Variants in RNF157 observed in about 807,000 individuals in gnomAD.
RNF157 encodes the protein E3 ubiquitin ligase RNF157.
In RNF157, 55 loss-of-function variants were observed where a neutral mutation model predicts 88.3. That is an observed-to-expected ratio of 0.62 (90% CI 0.50 to 0.78). The LOEUF is 0.78. RNF157 is among the 30% of genes least tolerant of loss of function. The pLI is 0.00. For missense variants in RNF157, 788 were observed against 860.8 expected (o/e 0.92, Z 1.06); for synonymous variants, 334 against 341.2 (o/e 0.98, Z 0.23).
chr17:76,230,067 A>AT (rs1398222524), intron 1 of RNF157, among the ~76,000 whole-genome samples: 1 of 152,108 alleles, frequency 6.6e-6, no homozygotes, highest in African/African-American at 2.4e-5. Flanking sequence ...ATGTGAATGG[A>AT]TTTTTTTGGA....
chr17:76,212,315 G>T, intron 2 of RNF157, 49 bp downstream of exon 2: 1 of 1,276,394 alleles, frequency 7.8e-7, no homozygotes, highest in Non-Finnish European at 1.1e-6. Context: ...TACATTTTTT[G>T]AATTGGCCAC....
Position 76,155,171 on chromosome 17 carries a change from G to A in RNF157, c.1764+81C>T, listed in dbSNP as rs2068742970. ...TTCGTCAGCGCAGCCTCCTGGCCCT[G>A]GTCCTTACTGGCATCCCCAGCCAAG... is the stretch of plus-strand genomic sequence containing the variant. On this transcript the variant is annotated intron_variant, in intron 16 of 18. Coordinates refer to ENST00000269391, the MANE Select transcript of RNF157 (RefSeq NM_052916.3). 6 of 1,251,058 alleles carry A rather than the reference G, an allele frequency of 4.8e-6. No individual in the cohort carries two copies. In the Admixed American group the frequency reaches 1.0e-4, roughly 21 times the overall value. 77.5% of individuals were successfully genotyped at this position (1,251,058 alleles called of 1,614,324 possible). A position where few individuals can be genotyped will look rare whatever the true frequency, so the allele number is the denominator to read the frequency against.
Position 76,226,436 on chromosome 17 carries a change from G to A in RNF157, c.88+13717C>T, listed in dbSNP as rs371221367. The A allele has an allele frequency of 1.9e-3, 3,057 of 1,597,902 alleles. 6 individuals are homozygous for A. The highest frequency in any genetic ancestry group is 5.0e-3 in the Middle Eastern group (30 of 6,018). On this transcript the variant is annotated intron_variant, in intron 1 of 18. Coordinates refer to ENST00000269391, the MANE Select transcript of RNF157 (RefSeq NM_052916.3). ...CTTATTAGTCTCCTGGACTAGGGGG[G>A]CAAAGAGATTACAAGTGTCATCCAA...
At chr17:76,221,381 C>A (rs1022153141) in intron 1 of RNF157, among the ~76,000 whole-genome samples, 1 of 152,098 alleles carries the variant, frequency 6.6e-6, no homozygotes, top group Non-Finnish European at 1.5e-5. Flanking sequence ...AACCAGTTAA[C>A]CACCAGCTTA....
chr17:76,155,179 C>T (rs913292175), intron 16 of RNF157, 73 bp downstream of exon 16: 35 of 1,360,742 alleles, frequency 2.6e-5, no homozygotes, highest in Non-Finnish European at 3.3e-5. Context: ...CTGGTCCTTA[C>T]TGGCATCCCC....
intron 1 of RNF157, among the ~76,000 whole-genome samples, chr17:76,220,547 G>A (rs1319285670): frequency 5.3e-5 from 8 of 152,104 alleles, no homozygotes; most frequent in African/African-American, 1.2e-4. Flanking sequence ...AGGGGAGGCC[G>A]GGTACCATGG....
At chr17:76,173,672 G>A in intron 3 of RNF157, 30 bp downstream of exon 3, 1 of 1,553,120 alleles carries the variant, frequency 6.4e-7, no homozygotes. Flanking sequence ...GAAGGTGCCT[G>A]GGACCTGGCC....
At chr17:76,190,261 G>C (rs888228017) in intron 2 of RNF157, among the ~76,000 whole-genome samples, 1 of 151,520 alleles carries the variant, frequency 6.6e-6, no homozygotes, top group East Asian at 1.9e-4. Flanking sequence ...CCACCTCCCG[G>C]GTTCAAGTAA....
intron 3 of RNF157, among the ~76,000 whole-genome samples, chr17:76,170,592 G>A (rs567495522): frequency 6.6e-6 from 1 of 152,220 alleles, no homozygotes; most frequent in Admixed American, 6.5e-5. Context: ...CAAGGGAGAG[G>A]ATCTGCCTAC....
chr17:76,218,754 T>C (rs2069932576), intron 1 of RNF157, among the ~76,000 whole-genome samples: 1 of 152,040 alleles, frequency 6.6e-6, no homozygotes, highest in Non-Finnish European at 1.5e-5. Context: ...TCCACCATAG[T>C]GAAACTTCGT....
Position 76,156,826 on chromosome 17 carries a change from G to A in RNF157, c.1414-505C>T, listed in dbSNP as rs146116569. 1.3e-4 allele frequency among the ~76,000 whole-genome samples: 20 copies of A among 152,212 alleles called. No homozygotes were observed. The East Asian group carries it at 2.5e-3, about 19-fold the overall frequency. ...CACCCCCACCTCCGATCCCAGCCCC[G>A]ACCTGTCAGGCATCTGGGTGCACAG... is the stretch of plus-strand genomic sequence containing the variant. On this transcript the variant is annotated intron_variant, in intron 13 of 18. Transcript: ENST00000269391.
chr17:76,152,677 G>T, intron 17 of RNF157: 1 of 502,540 alleles, frequency 2.0e-6, no homozygotes, highest in Non-Finnish European at 3.6e-6. Flanking sequence ...TTTCCCTAGA[G>T]CCCTTTCTGT....
rs531183463 is a variant in RNF157, at chr17:76,195,221, G to A, written c.207+17143C>T. 6.6e-6 allele frequency among the ~76,000 whole-genome samples: 1 copy of A among 151,940 alleles called. No homozygotes were observed. Among genetic ancestry groups the A allele is most frequent in the Non-Finnish European group, 1.5e-5 (1 of 67,952 alleles). On this transcript the variant is annotated intron_variant, in intron 2 of 18. Transcript: ENST00000269391. The surrounding 1 kb of genome is among the most constrained non-coding windows in gnomAD (Gnocchi z 4.4). ...TGTAGGTCCTCCTACAAGCGGGGTA[G>A]AGCAAGGCTGGAAACAGGAGACTGG...
chr17:76,152,537 A>C, intron 17 of RNF157, 72 bp from the exon 18 acceptor site: 1 of 888,320 alleles, frequency 1.1e-6, no homozygotes, highest in Non-Finnish European at 1.9e-6. Context: ...TTAAAATAAA[A>C]ATCTTAAGGA....
rs116588094 is a variant in RNF157, at chr17:76,212,102, A to G, written c.207+262T>C. ...GTAAGCCCTTGGAAAAGGGTTGCCTAAAGAGGTGACAGGGAGAGATCTGTC... is the reference window on the plus strand; with the variant it reads ...GTAAGCCCTTGGAAAAGGGTTGCCTGAAGAGGTGACAGGGAGAGATCTGTC... On this transcript the variant is annotated intron_variant, in intron 2 of 18. Coordinates refer to ENST00000269391, the MANE Select transcript of RNF157 (RefSeq NM_052916.3). 9.6e-3 allele frequency: 2,793 copies of G among 291,376 alleles called. 69 individuals carry two copies. The highest frequency in any genetic ancestry group is 0.057 in the African/African-American group (2,604 of 45,548). 18.0% of individuals were successfully genotyped at this position (291,376 alleles called of 1,614,324 possible). A position where few individuals can be genotyped will look rare whatever the true frequency, so the allele number is the denominator to read the frequency against.
chr17:76,156,393 G>A (rs2068765019), intron 13 of RNF157, 72 bp from the exon 14 acceptor site: 2 of 1,603,308 alleles, frequency 1.2e-6, no homozygotes, highest in Non-Finnish European at 8.5e-7. Context: ...AAGGGGTCAG[G>A]GCGGAGGTCT....
intron 2 of RNF157, among the ~76,000 whole-genome samples, chr17:76,197,156 G>A (rs1158787717): frequency 1.3e-5 from 2 of 152,186 alleles, no homozygotes; most frequent in Non-Finnish European, 2.9e-5. Context: ...GGTGGAAAGT[G>A]GATGGTCCCC....
At position 76,168,923 on chromosome 17, in the gene RNF157, C is replaced by T. The variant is rs542323228; in HGVS notation, c.297-1126G>A. Among the ~76,000 whole-genome samples the T allele has an allele frequency of 1.1e-4, 17 of 152,334 alleles. No homozygotes were observed. In the South Asian group the frequency reaches 2.7e-3, roughly 24 times the overall value. ...CACTGCCTTATTTTTCACCTCCCAG[C>T]GTTGCTCCCAAGAAGTCTGAAGTCG... On this transcript the variant is annotated intron_variant, in intron 3 of 18. Transcript: ENST00000269391.
chr17:76,179,132 G>A (rs949139753), intron 2 of RNF157, among the ~76,000 whole-genome samples: 2 of 152,186 alleles, frequency 1.3e-5, no homozygotes, highest in African/African-American at 4.8e-5. Flanking sequence ...AGTAGCTCAC[G>A]CTTGTAATTC....
Sources: allele counts gnomAD v4.1 joint callset (sites outside exome capture counted in the v4.1 genomes callset), GRCh38; gene constraint gnomAD v4.1.1; non-coding constraint Gnocchi (gnomAD v3.1); transcripts MANE v1.5; gene names NCBI Gene and HGNC (gene_info 2026-07-23, HGNC 2026-07-21).